The following DISP3 variants were observed in gnomAD, a reference collection of about 807,000 sequenced individuals.
DISP3 encodes dispatched RND transporter family member 3.
DISP3 carries 101 observed loss-of-function variants against 135.3 expected under a neutral mutation model. That is an observed-to-expected ratio of 0.75 (90% CI 0.64 to 0.88). DISP3 has a LOEUF of 0.88. Ranked by LOEUF, DISP3 falls within the 40% of genes least tolerant of loss-of-function variation. DISP3 has a pLI of 0.00. For synonymous variants in DISP3, 856 were observed against 817.0 expected (o/e 1.05, Z -0.81); for missense variants, 1,713 against 1,878.6 (o/e 0.91, Z 1.63).
At chr1:11,523,269 A>G (rs1478075190) in intron 10 of DISP3, among the ~76,000 whole-genome samples, 1 of 152,194 alleles carries the variant, frequency 6.6e-6, no homozygotes, top group Non-Finnish European at 1.5e-5. Context: ...GCTAACACAC[A>G]ACGCTTGAGG....
chr1:11,507,214 T>C (rs1004203799), intron 3 of DISP3, among the ~76,000 whole-genome samples: 2 of 152,206 alleles, frequency 1.3e-5, no homozygotes, highest in Non-Finnish European at 2.9e-5. Context: ...AAACGGGCAG[T>C]GACCACACTG....
At position 11,536,390 on chromosome 1, in the gene DISP3, T is replaced by C; in HGVS notation, c.3883T>C (p.Ser1295Pro). ...AVRHVGVAIV[S>P]SALTTVIATV... The stretch of plus-strand genomic sequence containing the variant: ...GCGGCACGTGGGCGTGGCCATCGTC[T>C]CCAGTGCCCTCACCACGGTCATCGC... Residue 1295 changes from serine (S) to proline (P), a missense_variant, in exon 21 of 21, where the codon TCC becomes CCC. Around this residue, in one of 2 missense-constraint regions of DISP3, gnomAD observed 1,142 missense variants for 1,384.6 expected, o/e 0.82. Transcript: ENST00000294484. This position sits in a 1 kb window ranked among gnomAD's most constrained non-coding sequence, Gnocchi z 4.3. 2 of 1,611,366 alleles carry C rather than the reference T, an allele frequency of 1.2e-6. No homozygotes were observed. The highest frequency in any genetic ancestry group is 2.2e-5 in the South Asian group (2 of 91,086).
chr1:11,525,827 G>A (rs1314626575), intron 12 of DISP3, among the ~76,000 whole-genome samples: 1 of 152,100 alleles, frequency 6.6e-6, no homozygotes, highest in African/African-American at 2.4e-5. Context: ...GGGGTGGGGG[G>A]AGGACAGGGG....
At chr1:11,515,020 A>G (rs1641963450) in intron 4 of DISP3, among the ~76,000 whole-genome samples, 2 of 152,252 alleles carry the variant, frequency 1.3e-5, no homozygotes, top group Admixed American at 6.5e-5. Context: ...AAAGACATTC[A>G]TTCGTCCATA....
chr1:11,493,490 G>T (rs11121756), intron 1 of DISP3, among the ~76,000 whole-genome samples: 73,809 of 151,946 alleles, frequency 0.49, 19,847 homozygotes, highest in East Asian at 0.73. Context: ...TTTGGGAGGC[G>T]GAGGTGGGCG....
rs1641432888 is a variant in DISP3 at position 11,499,281 on chromosome 1, G to A, written c.-3-1709G>A. ...GCTGAGGCACGGGCAGGATGGATGG[G>A]TTTAGTTCCCAGAAAACTGCAAACA... On this transcript the variant is annotated intron_variant, in intron 1 of 20. Coordinates refer to ENST00000294484, the MANE Select transcript of DISP3 (RefSeq NM_020780.2). This position sits in a 1 kb window ranked among gnomAD's most constrained non-coding sequence, Gnocchi z 5.2. Among the ~76,000 whole-genome samples the A allele has an allele frequency of 6.6e-6, 1 of 152,146 alleles. No homozygotes were observed. The highest frequency in any genetic ancestry group is 2.1e-4 in the South Asian group (1 of 4,824).
At chr1:11,535,746 A>G (rs1642693029) in intron 20 of DISP3, 102 bp downstream of exon 20, 1 of 1,404,348 alleles carries the variant, frequency 7.1e-7, no homozygotes, top group Admixed American at 2.0e-5. Flanking sequence ...TCCCAGCACC[A>G]GGACCCCCAT....
chr1:11,522,137 C>T (rs1642213453), intron 10 of DISP3, among the ~76,000 whole-genome samples: 2 of 152,112 alleles, frequency 1.3e-5, no homozygotes, highest in South Asian at 2.1e-4. Context: ...TGGCCCAGGC[C>T]GCATTTTACA....
chr1:11,519,696 G>A lies in DISP3; in HGVS notation c.2039-23G>A, dbSNP rs745967801. ...AGTGGGCTTTGATTCAGGCTCTGAC[G>A]GGCCACTGCTCTGCCCTGGCAGTGT... On this transcript the variant is annotated intron_variant, in intron 8 of 20. Coordinates refer to ENST00000294484, the MANE Select transcript of DISP3 (RefSeq NM_020780.2). This position sits in a 1 kb window ranked among gnomAD's most constrained non-coding sequence, Gnocchi z 4.3. 8.1e-6 allele frequency: 13 copies of A among 1,605,386 alleles called. No individual in the cohort carries two copies. The highest frequency in any genetic ancestry group is 1.1e-5 in the South Asian group (1 of 90,804).
chr1:11,489,701 T>A (rs1641130893), intron 1 of DISP3, among the ~76,000 whole-genome samples: 1 of 152,172 alleles, frequency 6.6e-6, no homozygotes, highest in African/African-American at 2.4e-5. Context: ...TCCAGAGATG[T>A]TAAGTGACTT....
At chr1:11,532,355 A>G (rs1047433793) in intron 17 of DISP3, among the ~76,000 whole-genome samples, 1 of 152,202 alleles carries the variant, frequency 6.6e-6, no homozygotes, top group Admixed American at 6.5e-5. Flanking sequence ...GTCCCTGAGC[A>G]AGTTACTCGT....
intron 20 of DISP3, among the ~76,000 whole-genome samples, chr1:11,535,981 C>G (rs748865771): frequency 1.4e-4 from 22 of 152,212 alleles, no homozygotes; most frequent in Non-Finnish European, 2.2e-4. Context: ...GCTCCAGCCC[C>G]TGGTGGCTTG....
At chr1:11,530,852 A>G in intron 15 of DISP3, 55 bp from the exon 16 acceptor site, 14 of 1,605,414 alleles carry the variant, frequency 8.7e-6, no homozygotes, top group Non-Finnish European at 1.2e-5. Flanking sequence ...AGCACCCAGG[A>G]CTGAGTCCCC....
intron 1 of DISP3, among the ~76,000 whole-genome samples, chr1:11,485,143 G>A (rs1219425965): frequency 6.6e-6 from 1 of 152,112 alleles, no homozygotes; most frequent in Non-Finnish European, 1.5e-5. Context: ...GAGCAGAGGT[G>A]ATAGATGATT....
At chr1:11,515,918 C>A (rs747743513) in intron 5 of DISP3, 83 bp from the exon 6 acceptor site, 105 of 1,506,402 alleles carry the variant, frequency 7.0e-5, no homozygotes, top group Non-Finnish European at 9.0e-5. Flanking sequence ...GGAGGCCACT[C>A]ACACTTGGTC....
At chr1:11,508,721 G>A (rs1485648265) in intron 3 of DISP3, among the ~76,000 whole-genome samples, 1 of 152,100 alleles carries the variant, frequency 6.6e-6, no homozygotes, top group Non-Finnish European at 1.5e-5. Context: ...CCTGCAATGT[G>A]AGGTAAGCAC....
intron 3 of DISP3, among the ~76,000 whole-genome samples, chr1:11,504,144 T>C (rs1428308596): frequency 1.3e-5 from 2 of 152,240 alleles, no homozygotes; most frequent in Non-Finnish European, 2.9e-5. Context: ...CTAATGTTTA[T>C]TGAGCACTTA....
At chr1:11,522,424 C>A (rs1406000700) in intron 10 of DISP3, among the ~76,000 whole-genome samples, 1 of 152,174 alleles carries the variant, frequency 6.6e-6, no homozygotes, top group Non-Finnish European at 1.5e-5. Context: ...AGCTCCTCTA[C>A]CCCACTGCCA....
chr1:11,516,291 C>G lies in DISP3; in HGVS notation c.1749+130C>G. The G allele has an allele frequency of 8.8e-7, 1 of 1,134,614 alleles. No individual in the cohort carries two copies. The highest frequency in any genetic ancestry group is 1.2e-6 in the Non-Finnish European group (1 of 819,032). 70.3% of individuals were successfully genotyped at this position (1,134,614 alleles called of 1,614,324 possible). A position where few individuals can be genotyped will look rare whatever the true frequency, so the allele number is the denominator to read the frequency against. On this transcript the variant is annotated intron_variant, in intron 6 of 20. Coordinates refer to ENST00000294484, the MANE Select transcript of DISP3 (RefSeq NM_020780.2). The surrounding 1 kb of genome is among the most constrained non-coding windows in gnomAD (Gnocchi z 5.1). The stretch of plus-strand genomic sequence containing the variant: ...TCACCTCAAGGTACTTGCCCTGGCT[C>G]TAGAGTTCATTTTTGTCACGAATCA...
Sources: allele counts gnomAD v4.1 joint callset (sites outside exome capture counted in the v4.1 genomes callset), GRCh38; gene constraint gnomAD v4.1.1; regional missense constraint gnomAD v4.1.1; non-coding constraint Gnocchi (gnomAD v3.1); transcripts MANE v1.5; gene names NCBI Gene and HGNC (gene_info 2026-07-23, HGNC 2026-07-21).